Variants in GLI2 observed in about 807,000 individuals in gnomAD.
The protein encoded by GLI2 is GLI family zinc finger 2, also known as transcription activator GLI2.
In GLI2, 22 loss-of-function variants were observed where a neutral mutation model predicts 78.9. That is an observed-to-expected ratio of 0.28 (90% CI 0.20 to 0.40). The LOEUF is 0.40. Among genes scored for constraint, GLI2 ranks in the 10% least tolerant of loss-of-function variants. The pLI, the probability that GLI2 is intolerant of heterozygous loss-of-function variation, is 1.00. For synonymous variants in GLI2, 974 were observed against 963.7 expected (o/e 1.01, Z -0.20); for missense variants, 2,097 against 2,213.2 (o/e 0.95, Z 1.05).
intron 2 of GLI2, among the ~76,000 whole-genome samples, chr2:120,899,372 T>G (rs1316601475): frequency 1.3e-5 from 2 of 151,644 alleles, no homozygotes; most frequent in Admixed American, 6.6e-5. Flanking sequence ...TATGTTCTTT[T>G]TCTCTCTCAT....
intron 2 of GLI2, among the ~76,000 whole-genome samples, chr2:120,854,921 C>A (rs956538874): frequency 2.2e-4 from 33 of 152,198 alleles, no homozygotes; most frequent in Non-Finnish European, 3.1e-4. Flanking sequence ...TGGTTCAGCC[C>A]AGGGCTGGGC....
At chr2:120,893,015 C>T (rs1011799121) in intron 2 of GLI2, among the ~76,000 whole-genome samples, 2 of 152,198 alleles carry the variant, frequency 1.3e-5, no homozygotes, top group Non-Finnish European at 2.9e-5. Flanking sequence ...GAGGAGTGAC[C>T]GCCAGTGTGA....
chr2:120,755,005 C>A (rs1682998560), intron 1 of GLI2, among the ~76,000 whole-genome samples: 1 of 152,108 alleles, frequency 6.6e-6, no homozygotes, highest in Admixed American at 6.5e-5. Flanking sequence ...ACGCCCACCA[C>A]CATGCCCAGC....
At chr2:120,746,578 T>G (rs929103189) in intron 1 of GLI2, among the ~76,000 whole-genome samples, 1 of 152,198 alleles carries the variant, frequency 6.6e-6, no homozygotes, top group Non-Finnish European at 1.5e-5. Context: ...AGTTTGAAGA[T>G]CTATCTCTTT....
At chr2:120,854,131 C>T (rs1687536356) in intron 2 of GLI2, among the ~76,000 whole-genome samples, 1 of 152,122 alleles carries the variant, frequency 6.6e-6, no homozygotes, top group African/African-American at 2.4e-5. Flanking sequence ...GTAGGAGTTA[C>T]AGTGTAGAGA....
At chr2:120,880,046 A>G (rs1324942179) in intron 2 of GLI2, among the ~76,000 whole-genome samples, 2 of 152,218 alleles carry the variant, frequency 1.3e-5, no homozygotes, top group Admixed American at 6.5e-5. Flanking sequence ...TGCCGCTTCA[A>G]GCTGCTTTAT....
At chr2:120,958,355 T>G (rs965416505) in intron 5 of GLI2, among the ~76,000 whole-genome samples, 1 of 152,198 alleles carries the variant, frequency 6.6e-6, no homozygotes. Context: ...ATCTTCATTG[T>G]AGGCAGCTCT....
At chr2:120,856,008 C>A (rs1687627067) in intron 2 of GLI2, among the ~76,000 whole-genome samples, 3 of 152,164 alleles carry the variant, frequency 2.0e-5, no homozygotes, top group Non-Finnish European at 2.9e-5. Context: ...TTATCTCGTG[C>A]CATCTTGATA....
At chr2:120,849,287 T>A (rs1355321757) in intron 2 of GLI2, among the ~76,000 whole-genome samples, 1 of 152,228 alleles carries the variant, frequency 6.6e-6, no homozygotes, top group East Asian at 1.9e-4. Flanking sequence ...GCCACTGAAC[T>A]GTACACTTAA....
At chr2:120,738,952 T>C (rs1682447820) in intron 1 of GLI2, among the ~76,000 whole-genome samples, 1 of 152,152 alleles carries the variant, frequency 6.6e-6, no homozygotes, top group African/African-American at 2.4e-5. Flanking sequence ...CACTTCACTC[T>C]CCCAGGGATG....
In GLI2 at chr2:120,989,613, G is replaced by C. The variant is rs368879160; in HGVS notation, c.3648G>C (p.Gln1216His). 2.5e-5 allele frequency: 40 copies of C among 1,612,850 alleles called. No individual in the cohort carries two copies. Among genetic ancestry groups the C allele is most frequent in the Non-Finnish European group, 3.4e-5 (40 of 1,179,926 alleles). Reference protein sequence around the residue: ...QQLRQPVAGSQCPGMTTTMSP... With the variant: ...QQLRQPVAGSHCPGMTTTMSP... ...TGCGACAGCCAGTGGCAGGCAGCCA[G>C]TGTCCTGGCATGACTACCACTATGA... is the stretch of plus-strand genomic sequence containing the variant. The change falls in exon 14 of 14, where the codon CAG (glutamine) becomes CAC (histidine). Residue 1216 changes from glutamine (Q) to histidine (H), a missense_variant. Physicochemically the swap from Gln to His is conservative, Grantham distance 24. This residue lies in a region of GLI2 where 1,290 missense variants were observed against 1,261.7 expected (regional missense o/e 1.02). Transcript: ENST00000361492.
chr2:120,905,877 C>G (rs1001941806), intron 2 of GLI2, among the ~76,000 whole-genome samples: 1 of 151,312 alleles, frequency 6.6e-6, no homozygotes, highest in Non-Finnish European at 1.5e-5. Flanking sequence ...GCCCCCCCCC[C>G]GCCCCCACAT....
chr2:120,953,360 A>G (rs1043224479), intron 4 of GLI2, among the ~76,000 whole-genome samples: 2 of 152,210 alleles, frequency 1.3e-5, no homozygotes, highest in African/African-American at 4.8e-5. Context: ...AAGAGGCGGG[A>G]AACCATCTTC....
At chr2:120,771,377 A>G (rs1400600147) in intron 1 of GLI2, among the ~76,000 whole-genome samples, 2 of 152,228 alleles carry the variant, frequency 1.3e-5, no homozygotes, top group Non-Finnish European at 2.9e-5. Flanking sequence ...CCTCGGGCAA[A>G]TGGCTTCAGG....
At chr2:120,785,600 G>T (rs1683975399) in intron 1 of GLI2, among the ~76,000 whole-genome samples, 1 of 152,168 alleles carries the variant, frequency 6.6e-6, no homozygotes, top group Non-Finnish European at 1.5e-5. Context: ...TGGATCTGCA[G>T]TCAGCACTCC....
chr2:120,904,784 A>G (rs277530), intron 2 of GLI2, among the ~76,000 whole-genome samples: 24,592 of 152,074 alleles, frequency 0.16, 3,872 homozygotes, highest in African/African-American at 0.42. Flanking sequence ...ATGCCTCCAG[A>G]GCCTGCGATC....
At chr2:120,837,870 C>T (rs947673711) in intron 2 of GLI2, among the ~76,000 whole-genome samples, 4 of 152,166 alleles carry the variant, frequency 2.6e-5, no homozygotes, top group Admixed American at 1.3e-4. Context: ...TCTTCTGGTG[C>T]CATCTCACAT....
intron 2 of GLI2, among the ~76,000 whole-genome samples, chr2:120,920,513 C>A (rs1679317932): frequency 6.6e-6 from 1 of 152,230 alleles, no homozygotes; most frequent in Non-Finnish European, 1.5e-5. Context: ...CTGCCCTCCT[C>A]ACTAACACAA....
chr2:120,812,699 C>G (rs189420150), intron 2 of GLI2, among the ~76,000 whole-genome samples: 1 of 152,102 alleles, frequency 6.6e-6, no homozygotes, highest in Non-Finnish European at 1.5e-5. Flanking sequence ...TTCAGGCTGC[C>G]GGGGAGCCCC....
Sources: gnomAD v4.1 joint callset for allele counts (sites outside exome capture counted in the v4.1 genomes callset) on GRCh38, gnomAD v4.1.1 for gene constraint, gnomAD v4.1.1 regional missense constraint, MANE v1.5 for transcripts, NCBI Gene and HGNC (gene_info 2026-07-23, HGNC 2026-07-21) for gene names.